Variants in PDE4D observed in about 807,000 individuals in gnomAD.
PDE4D encodes 3',5'-cyclic-AMP phosphodiesterase 4D.
A neutral mutation model predicts 87.4 loss-of-function variants in PDE4D; 24 were observed. The observed-to-expected ratio is 0.27, with a 90% CI of 0.20 to 0.39. The LOEUF (loss-of-function observed/expected upper bound fraction) is 0.39. PDE4D is among the 10% of genes least tolerant of loss of function. The probability of loss-of-function intolerance (pLI) is 1.00; values close to 1 mark genes in which losing one functional copy is unlikely to be tolerated. For missense variants in PDE4D, 714 were observed against 1,041.0 expected (o/e 0.69, Z 4.32); for synonymous variants, 384 against 383.2 (o/e 1.00, Z -0.02).
At chr5:60,369,539 G>A (rs1760835000) in intron 1 of PDE4D, among the ~76,000 whole-genome samples, 1 of 152,162 alleles carries the variant, frequency 6.6e-6, no homozygotes, top group African/African-American at 2.4e-5. Flanking sequence ...GAGAGAGGCG[G>A]GATGCAGACA....
chr5:60,242,948 C>T (rs1343613172), intron 1 of PDE4D, among the ~76,000 whole-genome samples: 1 of 151,640 alleles, frequency 6.6e-6, no homozygotes, highest in African/African-American at 2.4e-5. Context: ...CAAGAGCAAA[C>T]CAAACCCAAA....
At chr5:60,185,462 C>T in intron 2 of PDE4D, 1 of 693,214 alleles carries the variant, frequency 1.4e-6, no homozygotes, top group Admixed American at 2.2e-5. Context: ...TCCCACAAGC[C>T]TAATCATGAT....
At chr5:60,146,414 C>T (rs1466056955) in intron 2 of PDE4D, among the ~76,000 whole-genome samples, 1 of 152,160 alleles carries the variant, frequency 6.6e-6, no homozygotes, top group Non-Finnish European at 1.5e-5. Context: ...AATTTAGTGT[C>T]CAAGATCAGA....
intron 5 of PDE4D, among the ~76,000 whole-genome samples, chr5:59,090,435 G>C (rs1160035919): frequency 6.6e-6 from 1 of 152,128 alleles, no homozygotes; most frequent in Non-Finnish European, 1.5e-5. Context: ...CCGTGATATA[G>C]AGGATGTTGA....
At chr5:59,504,706 C>A (rs1055981434) in intron 1 of PDE4D, among the ~76,000 whole-genome samples, 1 of 152,082 alleles carries the variant, frequency 6.6e-6, no homozygotes, top group Admixed American at 6.6e-5. Flanking sequence ...GAAATTCAAA[C>A]CACACCAGAG....
At chr5:59,796,474 C>T (rs1316673735) in intron 1 of PDE4D, among the ~76,000 whole-genome samples, 1 of 152,210 alleles carries the variant, frequency 6.6e-6, no homozygotes, top group Non-Finnish European at 1.5e-5. Flanking sequence ...CCGTGACCTT[C>T]AGTCACTGCC....
intron 3 of PDE4D, among the ~76,000 whole-genome samples, chr5:59,903,410 T>C (rs778821578): frequency 6.6e-6 from 1 of 152,086 alleles, no homozygotes; most frequent in Non-Finnish European, 1.5e-5. Context: ...TTCTGATGTA[T>C]AAAATATTGC....
intron 3 of PDE4D, among the ~76,000 whole-genome samples, chr5:59,902,445 A>T (rs1459011776): frequency 6.6e-6 from 1 of 152,156 alleles, no homozygotes; most frequent in East Asian, 1.9e-4. Context: ...GGATACATAC[A>T]TATATGATTT....
chr5:59,902,893 C>T (rs868782225), intron 3 of PDE4D, among the ~76,000 whole-genome samples: 8 of 152,166 alleles, frequency 5.3e-5, no homozygotes, highest in Middle Eastern at 6.8e-3. Context: ...CTAAATAGAA[C>T]TCTGAGCTAA....
intron 1 of PDE4D, among the ~76,000 whole-genome samples, chr5:60,260,564 G>C (rs1445913942): frequency 6.6e-6 from 1 of 151,998 alleles, no homozygotes; most frequent in Non-Finnish European, 1.5e-5. Flanking sequence ...ATCTCAATCT[G>C]GAAGAGAGAA....
rs887877225 is a variant in PDE4D at position 60,483,594 on chromosome 5, G to T, written c.-90+4348C>A. On this transcript the variant is annotated intron_variant, in intron 1 of 16. Transcript: ENST00000502484. ...TGCTGAATAAATAAATTCCTATTGA[G>T]AAGTTAAAAAAAAACATTATTTCAC... Among the ~76,000 whole-genome samples, 13 of 151,704 alleles carry T rather than the reference G, an allele frequency of 8.6e-5. 1 individual carries two copies. Among genetic ancestry groups the T allele is most frequent in the African/African-American group, 2.9e-4 (12 of 41,246 alleles).
chr5:59,529,055 G>A (rs375547938), intron 1 of PDE4D: 13 of 467,022 alleles, frequency 2.8e-5, no homozygotes, highest in East Asian at 2.3e-4. Flanking sequence ...CGAAGATCTT[G>A]CCTTAATTCG....
chr5:59,495,313 CATCAT>C (rs1806971270), intron 1 of PDE4D, among the ~76,000 whole-genome samples: 1 of 152,146 alleles, frequency 6.6e-6, no homozygotes, highest in Admixed American at 6.5e-5. Flanking sequence ...TTTGCAAGTC[CATCAT>C]ATCTACTTAC....
chr5:59,268,610 G>A (rs1763255095), intron 1 of PDE4D, among the ~76,000 whole-genome samples: 1 of 151,866 alleles, frequency 6.6e-6, no homozygotes, highest in African/African-American at 2.4e-5. Flanking sequence ...TTGAGATATT[G>A]GATCACCTCT....
chr5:59,732,995 A>C (rs1269415122), intron 1 of PDE4D, among the ~76,000 whole-genome samples: 2 of 152,154 alleles, frequency 1.3e-5, no homozygotes, highest in African/African-American at 2.4e-5. Flanking sequence ...TAAATATGAT[A>C]GTAATGTTCT....
At chr5:60,162,014 T>G (rs892145751) in intron 2 of PDE4D, among the ~76,000 whole-genome samples, 2 of 152,116 alleles carry the variant, frequency 1.3e-5, no homozygotes, top group Non-Finnish European at 2.9e-5. Flanking sequence ...CCTACCACCA[T>G]TTTCTGATAA....
intron 2 of PDE4D, among the ~76,000 whole-genome samples, chr5:60,089,816 C>A (rs1381489623): frequency 2.1e-5 from 3 of 144,278 alleles, no homozygotes; most frequent in African/African-American, 5.1e-5. Context: ...AAAATAAAGT[C>A]AGAGATGAAA....
intron 1 of PDE4D, among the ~76,000 whole-genome samples, chr5:59,394,198 T>C (rs932599377): frequency 6.6e-6 from 1 of 152,222 alleles, no homozygotes; most frequent in African/African-American, 2.4e-5. Context: ...TGAGGCTGTG[T>C]TCTGTCTCAT....
intron 1 of PDE4D, among the ~76,000 whole-genome samples, chr5:60,341,818 T>C (rs1304063213): frequency 6.6e-6 from 1 of 152,110 alleles, no homozygotes; most frequent in African/African-American, 2.4e-5. Context: ...GTAGTAATTA[T>C]AGGATGCTGG....
Sources: allele counts gnomAD v4.1 joint callset (sites outside exome capture counted in the v4.1 genomes callset), GRCh38; gene constraint gnomAD v4.1.1; transcripts MANE v1.5; gene names NCBI Gene and HGNC (gene_info 2026-07-23, HGNC 2026-07-21).